Variants in ATR observed in about 807,000 individuals in gnomAD.
The protein encoded by ATR is ATR checkpoint kinase, also known as serine/threonine-protein kinase ATR.
A neutral mutation model predicts 305.3 loss-of-function variants in ATR; 142 were observed. The observed-to-expected ratio is 0.47, with a 90% CI of 0.41 to 0.53. ATR has a LOEUF of 0.53. Ranked by LOEUF, ATR falls within the 20% of genes least tolerant of loss-of-function variation. ATR has a pLI of 0.00. For synonymous variants in ATR, 1,050 were observed against 1,068.1 expected (o/e 0.98, Z 0.33); for missense variants, 2,135 against 3,133.1 (o/e 0.68, Z 7.60).
chr3:142,488,105 G>A lies in ATR; in HGVS notation c.6079-2823C>T, dbSNP rs572717791. 2.0e-5 allele frequency among the ~76,000 whole-genome samples: 3 copies of A among 152,268 alleles called. No homozygotes were observed. In the South Asian group the frequency reaches 6.2e-4, roughly 32 times the overall value. Reference sequence around the variant, plus strand: ...AATGGAAGGTAGCAATAGATTAGAGGGTGAGGGGGAGAGTGAGGTTAAGGT... The same window carrying A: ...AATGGAAGGTAGCAATAGATTAGAGAGTGAGGGGGAGAGTGAGGTTAAGGT... On this transcript the variant is annotated intron_variant, in intron 35 of 46. Coordinates refer to ENST00000350721, the MANE Select transcript of ATR (RefSeq NM_001184.4).
At chr3:142,456,219 G>C (rs926514918) in intron 45 of ATR, among the ~76,000 whole-genome samples, 1 of 152,090 alleles carries the variant, frequency 6.6e-6, no homozygotes, top group Admixed American at 6.6e-5. Context: ...TGGAGATCAC[G>C]TTACTGCACT....
intron 13 of ATR, 66 bp downstream of exon 13, chr3:142,553,161 C>T (rs990338083): frequency 6.5e-7 from 1 of 1,539,286 alleles, no homozygotes; most frequent in South Asian, 1.2e-5. Flanking sequence ...TATAAATATT[C>T]TTCTTTTTTG....
At chr3:142,450,765 C>T (rs2108245129) in intron 46 of ATR, 1 of 1,490,470 alleles carries the variant, frequency 6.7e-7, no homozygotes, top group Non-Finnish European at 9.0e-7. Flanking sequence ...ACCCTAATAT[C>T]ATTCGTTATC....
intron 38 of ATR, among the ~76,000 whole-genome samples, chr3:142,468,873 T>A (rs1347998790): frequency 6.6e-6 from 1 of 151,990 alleles, no homozygotes; most frequent in African/African-American, 2.4e-5. Flanking sequence ...ACCGCTATCA[T>A]CCTAGCTACT....
chr3:142,551,900 G>T (rs1393168082), intron 13 of ATR, among the ~76,000 whole-genome samples: 2 of 152,148 alleles, frequency 1.3e-5, no homozygotes, highest in African/African-American at 4.8e-5. Flanking sequence ...CAGAATAGGA[G>T]AAAATGTTTG....
Position 142,499,511 on chromosome 3 carries a change from G to A in ATR, c.5380+116C>T, listed in dbSNP as rs2031837620. ...GGGTTTCACTGTGTTAGCCAGGATG[G>A]TCTCGATCTCCTGACCTCATGATCC... On this transcript the variant is annotated intron_variant, in intron 31 of 46. Transcript: ENST00000350721. 6 of 870,554 alleles carry A rather than the reference G, an allele frequency of 6.9e-6. No individual in the cohort carries two copies. The East Asian group carries it at 1.7e-4, about 24-fold the overall frequency. The allele number at this position is 870,554 out of a possible 1,614,324, so 53.9% of individuals were successfully genotyped here. A position where few individuals can be genotyped will look rare whatever the true frequency, so the allele number is the denominator to read the frequency against.
chr3:142,553,965 C>A lies in ATR; in HGVS notation c.2392G>T (p.Asp798Tyr), dbSNP rs753303415. The change falls in exon 11 of 47, where the codon GAT (aspartate) becomes TAT (tyrosine). Residue 798 changes from aspartate (D) to tyrosine (Y), a missense_variant. Physicochemically the swap from Asp to Tyr is radical, Grantham distance 160. This residue lies in a region of ATR where 530 missense variants were observed against 766.8 expected (regional missense o/e 0.69). Coordinates refer to ENST00000350721, the MANE Select transcript of ATR (RefSeq NM_001184.4). ...AGAACTGCTTTTACATCTGTTTCAT[C>A]TTCTCTAAAATCAAGATGCTTACAA... ...HLCKHLDFRE[D>Y]ETDVKAVLGT... 1 of 1,610,922 alleles carries A rather than the reference C, an allele frequency of 6.2e-7. No homozygotes were observed. The highest frequency in any genetic ancestry group is 8.5e-7 in the Non-Finnish European group (1 of 1,178,718).
At chr3:142,523,499 G>A (rs923117513) in intron 22 of ATR, among the ~76,000 whole-genome samples, 1 of 152,026 alleles carries the variant, frequency 6.6e-6, no homozygotes, top group Non-Finnish European at 1.5e-5. Context: ...AACCTCTAAG[G>A]AATAATTTTA....
chr3:142,554,164 G>T (rs1212510752), intron 10 of ATR, 149 bp from the exon 11 acceptor site: 2 of 571,886 alleles, frequency 3.5e-6, no homozygotes, highest in East Asian at 3.2e-5. Flanking sequence ...ATAGCACACA[G>T]AATTTTAGGA....
intron 39 of ATR, 121 bp downstream of exon 39, chr3:142,467,813 T>C: frequency 8.9e-7 from 1 of 1,123,054 alleles, no homozygotes; most frequent in Non-Finnish European, 1.2e-6. Flanking sequence ...AATATACATT[T>C]TGATATATGT....
intron 15 of ATR, among the ~76,000 whole-genome samples, chr3:142,548,259 T>C (rs896227745): frequency 6.6e-6 from 1 of 152,230 alleles, no homozygotes; most frequent in African/African-American, 2.4e-5. Context: ...AGTCTTTCTG[T>C]TCAGATTGCT....
chr3:142,562,093 A>G, intron 4 of ATR, 139 bp downstream of exon 4: 1 of 1,019,170 alleles, frequency 9.8e-7, no homozygotes. Flanking sequence ...GCCAGACTAC[A>G]CTATGAAAAT....
At chr3:142,485,396 A>G (rs970895849) in intron 35 of ATR, 114 bp from the exon 36 acceptor site, 102 of 1,272,212 alleles carry the variant, frequency 8.0e-5, no homozygotes, top group Non-Finnish European at 1.0e-4. Flanking sequence ...TAGGCAGAGC[A>G]AAGTCAAAAG....
At chr3:142,574,076 T>G (rs1021523212) in intron 1 of ATR, among the ~76,000 whole-genome samples, 1 of 152,216 alleles carries the variant, frequency 6.6e-6, no homozygotes, top group Admixed American at 6.5e-5. Context: ...TTTCATTTTG[T>G]AAAGATTATG....
At chr3:142,507,057 G>A (rs1317850514) in intron 28 of ATR, among the ~76,000 whole-genome samples, 2 of 152,162 alleles carry the variant, frequency 1.3e-5, no homozygotes, top group Non-Finnish European at 2.9e-5. Flanking sequence ...CTAAGGGAAC[G>A]ATTTTAACCA....
At chr3:142,563,508 T>C (rs2034959012) in intron 3 of ATR, among the ~76,000 whole-genome samples, 1 of 152,194 alleles carries the variant, frequency 6.6e-6, no homozygotes, top group South Asian at 2.1e-4. Flanking sequence ...TTTGGAGCTG[T>C]CATGAACCAC....
chr3:142,564,294 AGGTATGCCT>A (rs1405952240), intron 3 of ATR, among the ~76,000 whole-genome samples: 1 of 152,206 alleles, frequency 6.6e-6, no homozygotes, highest in Non-Finnish European at 1.5e-5. Flanking sequence ...AATATTTCTG[AGGTATGCCT>A]GTAACAACTT....
At position 142,566,673 on chromosome 3, in the gene ATR, C is replaced by G. The variant is rs188518004; in HGVS notation, c.152-412G>C. On this transcript the variant is annotated intron_variant, in intron 2 of 46. Transcript: ENST00000350721. ...AGTGGGGTGGGGGTGGGGAACCAGA[C>G]TTTGGTGACCAGAATTATATCCAGC... 1.1e-4 allele frequency among the ~76,000 whole-genome samples: 17 copies of G among 149,854 alleles called. No individual in the cohort carries two copies. The East Asian group carries it at 3.3e-3, about 29-fold the overall frequency.
intron 12 of ATR, 101 bp downstream of exon 12, chr3:142,553,539 A>G (rs1242023564): frequency 7.6e-6 from 11 of 1,452,650 alleles, no homozygotes; most frequent in Middle Eastern, 1.8e-4. Flanking sequence ...CATTTTGTCT[A>G]TAATATCACA....
Sources: allele counts gnomAD v4.1 joint callset (sites outside exome capture counted in the v4.1 genomes callset), GRCh38; gene constraint gnomAD v4.1.1; regional missense constraint gnomAD v4.1.1; transcripts MANE v1.5; gene names NCBI Gene and HGNC (gene_info 2026-07-23, HGNC 2026-07-21).